CPEB1: variants seen among roughly 807,000 people sequenced by gnomAD.
CPEB1 encodes cytoplasmic polyadenylation element binding protein 1.
A neutral mutation model predicts 65.8 loss-of-function variants in CPEB1; 7 were observed. That is an observed-to-expected ratio of 0.11 (90% CI 0.06 to 0.20). The LOEUF is 0.20. Among genes scored for constraint, CPEB1 ranks in the 10% least tolerant of loss-of-function variants. The pLI is 1.00. For synonymous variants in CPEB1, 262 were observed against 260.0 expected (o/e 1.01, Z -0.08); for missense variants, 551 against 712.2 (o/e 0.77, Z 2.58).
intron 1 of CPEB1, among the ~76,000 whole-genome samples, chr15:82,640,502 T>C (rs1232409375): frequency 3.3e-5 from 5 of 152,090 alleles, no homozygotes; most frequent in African/African-American, 4.8e-5. Context: ...CTTATACATG[T>C]TGTTCCTTTT....
At chr15:82,578,654 G>C (rs1373983792) in intron 3 of CPEB1, among the ~76,000 whole-genome samples, 1 of 151,986 alleles carries the variant, frequency 6.6e-6, no homozygotes, top group Non-Finnish European at 1.5e-5. Flanking sequence ...CTACTCAGGA[G>C]GCTGAGGCAG....
At chr15:82,628,004 A>G (rs748763440) in intron 2 of CPEB1, 67 of 578,706 alleles carry the variant, frequency 1.2e-4, no homozygotes, top group Non-Finnish European at 1.8e-4. Context: ...AACATCTCTA[A>G]GTCAGCCTCC....
intron 4 of CPEB1, among the ~76,000 whole-genome samples, chr15:82,563,399 T>C (rs2038582404): frequency 7.0e-6 from 1 of 142,066 alleles, no homozygotes; most frequent in East Asian, 2.2e-4. Flanking sequence ...GGTCTCCCTC[T>C]GTAACCCAGG....
intron 3 of CPEB1, among the ~76,000 whole-genome samples, chr15:82,623,974 A>C (rs934398678): frequency 6.6e-6 from 1 of 152,182 alleles, no homozygotes; most frequent in African/African-American, 2.4e-5. Flanking sequence ...TGCTGTCCAT[A>C]AACAATCTTA....
intron 4 of CPEB1, chr15:82,562,376 A>T (rs747668337): frequency 3.1e-6 from 1 of 324,664 alleles, no homozygotes; most frequent in Non-Finnish European, 6.1e-6. Context: ...CCCACCCCAG[A>T]CCTGAATCAG....
At chr15:82,617,198 A>G (rs747606988) in intron 3 of CPEB1, among the ~76,000 whole-genome samples, 11 of 152,244 alleles carry the variant, frequency 7.2e-5, no homozygotes, top group Non-Finnish European at 4.4e-5. Flanking sequence ...TTCACTGAAC[A>G]TAATTATCCT....
At chr15:82,608,509 G>C (rs2043838579) in intron 3 of CPEB1, among the ~76,000 whole-genome samples, 1 of 152,314 alleles carries the variant, frequency 6.6e-6, no homozygotes, top group African/African-American at 2.4e-5. Context: ...GGTTGTAGTA[G>C]AGCTAGGGAG....
At chr15:82,614,677 T>C (rs931507174) in intron 3 of CPEB1, among the ~76,000 whole-genome samples, 4 of 152,032 alleles carry the variant, frequency 2.6e-5, no homozygotes, top group Non-Finnish European at 4.4e-5. Flanking sequence ...TTACCTAACA[T>C]GCACCAGGCC....
chr15:82,627,130 G>T, intron 3 of CPEB1, 63 bp downstream of exon 3: 2 of 1,296,782 alleles, frequency 1.5e-6, no homozygotes, highest in South Asian at 1.8e-5. Flanking sequence ...CCTCTTACAT[G>T]CACTACTTAG....
At chr15:82,565,325 G>C (rs979209092) in intron 4 of CPEB1, among the ~76,000 whole-genome samples, 1 of 152,218 alleles carries the variant, frequency 6.6e-6, no homozygotes, top group African/African-American at 2.4e-5. Flanking sequence ...ACAAAGGGAA[G>C]TGGGGGGACC....
intron 4 of CPEB1, among the ~76,000 whole-genome samples, chr15:82,561,228 A>G (rs1425953138): frequency 1.3e-5 from 2 of 152,214 alleles, no homozygotes; most frequent in African/African-American, 4.8e-5. Context: ...TGTGGACACT[A>G]AAAAGACCGA....
At chr15:82,548,604 T>C (rs895128493) in intron 10 of CPEB1, 64 of 390,170 alleles carry the variant, frequency 1.6e-4, no homozygotes, top group African/African-American at 1.3e-3. Flanking sequence ...AAGATGCAGA[T>C]AGAACACTTG....
At position 82,543,982 on chromosome 15, in the gene CPEB1, G is replaced by T. The variant is rs2034731821; in HGVS notation, c.*610C>A. ...AAACTGTTTTAAGGAGTGTAAAAAG[G>T]AACCGGTAAAAACCCTCGAGCGTAA... On this transcript the variant is annotated 3_prime_UTR_variant, in exon 13 of 13. Coordinates refer to ENST00000684509, the MANE Select transcript of CPEB1 (RefSeq NM_001365242.1). 6.6e-6 allele frequency: 1 copy of T among 152,172 alleles called. No homozygotes were observed. Among genetic ancestry groups the T allele is most frequent in the Non-Finnish European group, 1.5e-5 (1 of 68,018 alleles). 9.4% of individuals were successfully genotyped at this position (152,172 alleles called of 1,614,324 possible). A position where few individuals can be genotyped will look rare whatever the true frequency, so the allele number is the denominator to read the frequency against.
At chr15:82,579,678 C>T (rs1192908523) in intron 3 of CPEB1, among the ~76,000 whole-genome samples, 5 of 150,766 alleles carry the variant, frequency 3.3e-5, no homozygotes, top group Non-Finnish European at 7.4e-5. Flanking sequence ...TTTGGGAGGC[C>T]GAGACGGGTG....
chr15:82,630,856 T>C (rs923672932), intron 1 of CPEB1, among the ~76,000 whole-genome samples: 1 of 152,130 alleles, frequency 6.6e-6, no homozygotes, highest in South Asian at 2.1e-4. Context: ...TATGCCAAAT[T>C]AAGGAGTCAG....
chr15:82,634,116 T>C (rs1257881423), intron 1 of CPEB1, among the ~76,000 whole-genome samples: 1 of 152,128 alleles, frequency 6.6e-6, no homozygotes, highest in African/African-American at 2.4e-5. Flanking sequence ...CTCAGAGGTA[T>C]GGTTTCAACT....
At chr15:82,586,795 G>A (rs572733239) in intron 3 of CPEB1, among the ~76,000 whole-genome samples, 1 of 152,202 alleles carries the variant, frequency 6.6e-6, no homozygotes, top group East Asian at 1.9e-4. Flanking sequence ...TTGCACAGGT[G>A]TGAATTCAAG....
Position 82,616,934 on chromosome 15 carries a change from G to A in CPEB1, c.271+10259C>T, listed in dbSNP as rs562962906. Among the ~76,000 whole-genome samples the A allele has an allele frequency of 7.2e-5, 11 of 152,160 alleles. 1 individual carries two copies. In the East Asian group the frequency reaches 1.5e-3, roughly 21 times the overall value. On this transcript the variant is annotated intron_variant, in intron 3 of 12. Coordinates refer to ENST00000684509, the MANE Select transcript of CPEB1 (RefSeq NM_001365242.1). ...TTTCAACCTATGTATACATACCCAC[G>A]AAACCATCACCAAAAGTCAAGGTAA... is the stretch of plus-strand genomic sequence containing the variant.
intron 1 of CPEB1, among the ~76,000 whole-genome samples, chr15:82,631,317 C>G (rs1668529390): frequency 6.6e-6 from 1 of 152,014 alleles, no homozygotes; most frequent in African/African-American, 2.4e-5. Flanking sequence ...AGCCAGAGCT[C>G]TAGCTTAAGA....
Sources: allele counts gnomAD v4.1 joint callset (sites outside exome capture counted in the v4.1 genomes callset), GRCh38; gene constraint gnomAD v4.1.1; transcripts MANE v1.5; gene names NCBI Gene and HGNC (gene_info 2026-07-23, HGNC 2026-07-21).